FAT3: variants seen among roughly 807,000 people sequenced by gnomAD.
FAT3 encodes the protein FAT atypical cadherin 3, also known as protocadherin Fat 3.
In FAT3, 95 loss-of-function variants were observed where a neutral mutation model predicts 310.2. The ratio of observed to expected loss-of-function variants is 0.31; its 90% confidence interval spans 0.26 to 0.36. The LOEUF (loss-of-function observed/expected upper bound fraction) is 0.36, where lower values mean the gene tolerates loss of function less well. Among genes scored for constraint, FAT3 ranks in the 10% least tolerant of loss-of-function variants. FAT3 has a pLI of 1.00. For missense variants in FAT3, 5,408 were observed against 5,715.6 expected (o/e 0.95, Z 1.74); for synonymous variants, 2,314 against 2,192.9 (o/e 1.06, Z -1.54).
chr11:92,566,873 T>C (rs1955473510), intron 3 of FAT3, among the ~76,000 whole-genome samples: 2 of 152,128 alleles, frequency 1.3e-5, no homozygotes, highest in South Asian at 2.1e-4. Context: ...ACACACCTTA[T>C]ACAAAAATCA....
At chr11:92,548,453 AT>A (rs1333125487) in intron 3 of FAT3, among the ~76,000 whole-genome samples, 1 of 152,224 alleles carries the variant, frequency 6.6e-6, no homozygotes. Context: ...TCCTTGAATT[AT>A]CTTTTTATTT....
intron 3 of FAT3, among the ~76,000 whole-genome samples, chr11:92,619,061 A>G (rs1940960523): frequency 6.6e-6 from 1 of 152,130 alleles, no homozygotes; most frequent in Non-Finnish European, 1.5e-5. Context: ...GGGTTGTTAG[A>G]TTTCATCAAA....
intron 7 of FAT3, among the ~76,000 whole-genome samples, chr11:92,779,347 G>A (rs1347125490): frequency 1.3e-5 from 2 of 152,034 alleles, no homozygotes; most frequent in Non-Finnish European, 1.5e-5. Flanking sequence ...CATAGAAATG[G>A]ATAATTGCAG....
intron 22 of FAT3, among the ~76,000 whole-genome samples, chr11:92,878,663 A>AAAAAAAAAC (rs1949597776): frequency 1.4e-5 from 1 of 73,330 alleles, no homozygotes; most frequent in Non-Finnish European, 2.4e-5. Flanking sequence ...AAAAAAAAAA[A>AAAAAAAAAC]AAAAGCTCCG....
rs192647848 is a variant in FAT3 at position 92,801,499 on chromosome 11, T to C, written c.8486T>C (p.Val2829Ala). 166 of 1,612,386 alleles carry C rather than the reference T, an allele frequency of 1.0e-4. No homozygotes were observed. In the Middle Eastern group the frequency reaches 1.7e-3, roughly 16 times the overall value. The change falls in exon 10 of 28, where the codon GTT becomes GCT. Residue 2829 changes from valine (V) to alanine (A), a missense_variant. Physicochemically the swap from Val to Ala is moderately conservative, Grantham distance 64 (BLOSUM62 0). Transcript: ENST00000525166. ...ACCATTATAATGGAAGGGATGCCTG[T>C]TGGCACCAAACTCACACAAGTGAGA... ...YDTIIMEGMP[V>A]GTKLTQVRAI...
intron 1 of FAT3, among the ~76,000 whole-genome samples, chr11:92,343,159 C>G (rs1020592833): frequency 6.6e-6 from 1 of 152,182 alleles, no homozygotes; most frequent in African/African-American, 2.4e-5. Flanking sequence ...ATTACTCTTG[C>G]TGCATGCTGA....
Position 92,696,981 on chromosome 11 carries a change from T to C in FAT3, c.3608-403T>C, listed in dbSNP as rs138370669. On this transcript the variant is annotated intron_variant, in intron 3 of 27. Transcript: ENST00000525166. ...ATATAAAAGTTAAGTAAGAAAGTACTGTTTCATAGTCTGAATCTAATCAGC... is the reference window on the plus strand; with the variant it reads ...ATATAAAAGTTAAGTAAGAAAGTACCGTTTCATAGTCTGAATCTAATCAGC... Among the ~76,000 whole-genome samples the C allele has an allele frequency of 4.5e-3, 679 of 152,350 alleles. 4 individuals are homozygous for C. The highest frequency in any genetic ancestry group is 0.016 in the African/African-American group (650 of 41,584).
In FAT3 at chr11:92,831,848, T is replaced by A. The variant is rs372366065; in HGVS notation, c.9708T>A (p.Phe3236Leu). The part of the protein sequence containing the change: ...VLDINDNPPV[F>L]ERRDYLVTVP... ...ACATTAATGACAACCCCCCTGTGTT[T>A]GAGAGGAGGGACTACCTGGTGACGG... Residue 3236 changes from phenylalanine to leucine, a missense_variant, in exon 14 of 28, where the codon TTT becomes TTA. Coordinates refer to ENST00000525166, the MANE Select transcript of FAT3 (RefSeq NM_001367949.2). 1.9e-6 allele frequency: 3 copies of A among 1,613,594 alleles called. No homozygotes were observed. The highest frequency in any genetic ancestry group is 3.3e-5 in the Admixed American group (2 of 59,966).
chr11:92,654,425 T>C (rs1448959778), intron 3 of FAT3, among the ~76,000 whole-genome samples: 1 of 152,216 alleles, frequency 6.6e-6, no homozygotes, highest in Non-Finnish European at 1.5e-5. Context: ...TTGATTTCTC[T>C]CTACCGGGTC....
chr11:92,441,856 T>C (rs1335098507), intron 2 of FAT3, among the ~76,000 whole-genome samples: 4 of 151,768 alleles, frequency 2.6e-5, no homozygotes, highest in African/African-American at 9.7e-5. Flanking sequence ...CAGAACCTCA[T>C]CAACTTCTTG....
chr11:92,785,748 A>G (rs947994892), intron 7 of FAT3, among the ~76,000 whole-genome samples: 3 of 152,178 alleles, frequency 2.0e-5, no homozygotes, highest in African/African-American at 7.2e-5. Context: ...GGAAGACTAC[A>G]TTAGAAAGAA....
intron 19 of FAT3, among the ~76,000 whole-genome samples, chr11:92,850,596 G>A (rs1384810632): frequency 1.3e-5 from 2 of 152,198 alleles, no homozygotes; most frequent in Non-Finnish European, 2.9e-5. Context: ...GACTTATGTG[G>A]CATTTGCCAG....
chr11:92,888,695 G>A (rs1949849476), intron 25 of FAT3, among the ~76,000 whole-genome samples: 1 of 152,202 alleles, frequency 6.6e-6, no homozygotes, highest in Admixed American at 6.5e-5. Flanking sequence ...GTTCTGGGCT[G>A]TCAGTGGCAT....
At chr11:92,609,765 T>C (rs1565454879) in intron 3 of FAT3, among the ~76,000 whole-genome samples, 1 of 152,160 alleles carries the variant, frequency 6.6e-6, no homozygotes, top group African/African-American at 2.4e-5. Flanking sequence ...TTTAAGCATA[T>C]CATTTCTTAT....
intron 2 of FAT3, among the ~76,000 whole-genome samples, chr11:92,424,663 C>T (rs1232804510): frequency 1.3e-5 from 2 of 152,130 alleles, no homozygotes; most frequent in Non-Finnish European, 2.9e-5. Context: ...GGAGGAAGAA[C>T]TCTGCAAATT....
Position 92,585,828 on chromosome 11 carries a change from G to GT in FAT3, c.3607+60890dup, listed in dbSNP as rs35482303. Among the ~76,000 whole-genome samples, 84 of 150,164 alleles carry GT rather than the reference G, an allele frequency of 5.6e-4. 1 individual carries two copies. Among genetic ancestry groups the GT allele is most frequent in the East Asian group, 4.3e-3 (22 of 5,058 alleles). ...CTCCTCCTCCTTTGTTTGCTTTCCT[G>GT]TTTTTTTTTTCCCCATTAAAGGCAT... On this transcript the variant is annotated intron_variant, in intron 3 of 27. Coordinates refer to ENST00000525166, the MANE Select transcript of FAT3 (RefSeq NM_001367949.2).
At chr11:92,456,788 G>A (rs542546652) in intron 2 of FAT3, among the ~76,000 whole-genome samples, 4 of 152,140 alleles carry the variant, frequency 2.6e-5, no homozygotes, top group African/African-American at 7.2e-5. Context: ...TTCCATTGAT[G>A]AATGCACTGT....
intron 1 of FAT3, among the ~76,000 whole-genome samples, chr11:92,314,088 C>G (rs1947375505): frequency 6.6e-6 from 1 of 152,142 alleles, no homozygotes; most frequent in Admixed American, 6.5e-5. Flanking sequence ...TTTTCAATGA[C>G]TCTATAGAAC....
chr11:92,599,075 T>C (rs1298571973), intron 3 of FAT3, among the ~76,000 whole-genome samples: 1 of 152,182 alleles, frequency 6.6e-6, no homozygotes, highest in Non-Finnish European at 1.5e-5. Context: ...AACAGCTCTC[T>C]GCTATTTCTC....
Sources: allele counts gnomAD v4.1 joint callset (sites outside exome capture counted in the v4.1 genomes callset), GRCh38; gene constraint gnomAD v4.1.1; transcripts MANE v1.5; gene names NCBI Gene and HGNC (gene_info 2026-07-23, HGNC 2026-07-21).